The following GDF1 variants were observed in gnomAD, a reference collection of about 807,000 sequenced individuals.
GDF1 encodes the protein embryonic growth/differentiation factor 1.
In GDF1, 8 loss-of-function variants were observed where a neutral mutation model predicts 7.4. That is an observed-to-expected ratio of 1.09 (90% confidence interval 0.64 to 1.96). The LOEUF (loss-of-function observed/expected upper bound fraction) is 1.96, where lower values mean the gene tolerates loss of function less well. GDF1 is among the 30% of genes most tolerant of loss of function. The pLI, the probability that GDF1 is intolerant of heterozygous loss-of-function variation, is 0.00. For missense variants in GDF1, 574 were observed against 551.5 expected, an observed-to-expected ratio of 1.04 and a Z score of -0.41; for synonymous variants, 311 against 276.7, an observed-to-expected ratio of 1.12 and a Z score of -1.23.
chr19:18,875,808 G>A (rs763022137), intron 6 of GDF1, among the ~76,000 whole-genome samples: 1 of 152,126 alleles, frequency 6.6e-6, no homozygotes, highest in Non-Finnish European at 1.5e-5. Context: ...AGAAAGCCCT[G>A]GGAAGACGGA....
intron 2 of GDF1, among the ~76,000 whole-genome samples, chr19:18,893,063 C>CCCA (rs2056533469): frequency 6.6e-6 from 1 of 151,132 alleles, no homozygotes; most frequent in Non-Finnish European, 1.5e-5. Flanking sequence ...ATTACAGGCG[C>CCCA]CCACCACACC....
intron 2 of GDF1, among the ~76,000 whole-genome samples, chr19:18,890,030 C>A (rs2056453578): frequency 6.6e-6 from 1 of 152,218 alleles, no homozygotes; most frequent in Non-Finnish European, 1.5e-5. Flanking sequence ...CCTCCTGGAC[C>A]CCTGGGGTAG....
Position 18,887,429 on chromosome 19 carries a change from G to T in GDF1, c.-913-3162C>A, listed in dbSNP as rs114327388. 3.3e-5 allele frequency among the ~76,000 whole-genome samples: 5 copies of T among 152,146 alleles called. No individual in the cohort carries two copies. The South Asian group carries it at 6.2e-4, about 19-fold the overall frequency. On this transcript the variant is annotated intron_variant, in intron 2 of 7. Coordinates refer to ENST00000247005, the MANE Select transcript of GDF1 (RefSeq NM_001492.6). ...GATAATGTTCCAGACCTAGACAGAGGGGGTGGTTGAACAACACTGTGAATG... is the reference window on the plus strand; with the variant it reads ...GATAATGTTCCAGACCTAGACAGAGTGGGTGGTTGAACAACACTGTGAATG...
intron 2 of GDF1, among the ~76,000 whole-genome samples, chr19:18,887,510 G>A (rs2056390064): frequency 6.6e-6 from 1 of 152,098 alleles, no homozygotes; most frequent in African/African-American, 2.4e-5. Flanking sequence ...GCCAGGAGGT[G>A]GAGGCAGGTG....
Position 18,896,004 on chromosome 19 carries a change from C to T in GDF1, c.-1254G>A. On this transcript the variant is annotated 5_prime_UTR_variant, in exon 1 of 8. Transcript: ENST00000247005. The surrounding 1 kb of genome is among the most constrained non-coding windows in gnomAD (Gnocchi z 5.9). ...CCAGCGCGCTGCCCCAGCCGCGCTGCACTAGCTGCGCGTAGCTCGGCATGG... is the reference window on the plus strand; with the variant it reads ...CCAGCGCGCTGCCCCAGCCGCGCTGTACTAGCTGCGCGTAGCTCGGCATGG... 2.0e-6 allele frequency: 2 copies of T among 1,019,166 alleles called. No homozygotes were observed. Among genetic ancestry groups the T allele is most frequent in the South Asian group, 7.7e-5 (2 of 26,030 alleles). 63.1% of individuals were successfully genotyped at this position (1,019,166 alleles called of 1,614,324 possible).
At chr19:18,871,737 G>A (rs746848198) in intron 6 of GDF1, among the ~76,000 whole-genome samples, 22 of 152,282 alleles carry the variant, frequency 1.4e-4, no homozygotes, top group Non-Finnish European at 3.2e-4. Flanking sequence ...CCCCATCCAA[G>A]GACTGTTGGT....
At chr19:18,880,194 C>T in intron 4 of GDF1, 80 bp downstream of exon 4, 1 of 1,414,318 alleles carries the variant, frequency 7.1e-7, no homozygotes, top group Non-Finnish European at 9.4e-7. Flanking sequence ...TCCTTCCCTG[C>T]CTGGTCCCGC....
At position 18,896,030 on chromosome 19, in the gene GDF1, GCTCGGGCCCCGTCGGCCCCGC is replaced by G; in HGVS notation, c.-1301_-1281del. 1.0e-6 allele frequency: 1 copy of G among 995,472 alleles called. No homozygotes were observed. Among genetic ancestry groups the G allele is most frequent in the Non-Finnish European group, 1.2e-6 (1 of 838,168 alleles). The allele number at this position is 995,472 out of a possible 1,614,324, so 61.7% of individuals were successfully genotyped here. On this transcript the variant is annotated 5_prime_UTR_variant, in exon 1 of 8. Coordinates refer to ENST00000247005, the MANE Select transcript of GDF1 (RefSeq NM_001492.6). This position sits in a 1 kb window ranked among gnomAD's most constrained non-coding sequence, Gnocchi z 5.9. The stretch of plus-strand genomic sequence containing the variant: ...ACTAGCTGCGCGTAGCTCGGCATGG[GCTCGGGCCCCGTCGGCCCCGC>G]CGCGGGCCCCGCCGCCGCCATACCG...
In GDF1 at chr19:18,878,692, G is replaced by T; in HGVS notation, c.-313+238C>A. ...TCAGTGTCCCTACCGCTGAGACCCT[G>T]CCTGTCGCCCTGCCTGCCCCTCCCC... is the stretch of plus-strand genomic sequence containing the variant. On this transcript the variant is annotated intron_variant, in intron 6 of 7. Coordinates refer to ENST00000247005, the MANE Select transcript of GDF1 (RefSeq NM_001492.6). This position sits in a 1 kb window ranked among gnomAD's most constrained non-coding sequence, Gnocchi z 4.6. The T allele has an allele frequency of 1.5e-6, 2 of 1,354,350 alleles. No individual in the cohort carries two copies. The highest frequency in any genetic ancestry group is 1.9e-6 in the Non-Finnish European group (2 of 1,048,690). The allele number at this position is 1,354,350 out of a possible 1,614,324, so 83.9% of individuals were successfully genotyped here.
At chr19:18,881,208 C>T (rs996223514) in intron 3 of GDF1, among the ~76,000 whole-genome samples, 1 of 146,918 alleles carries the variant, frequency 6.8e-6, no homozygotes, top group African/African-American at 2.5e-5. Context: ...CATCAGGATC[C>T]TTTTTTTTTT....
intron 2 of GDF1, among the ~76,000 whole-genome samples, chr19:18,888,024 T>G (rs2056402203): frequency 6.6e-6 from 1 of 152,160 alleles, no homozygotes; most frequent in South Asian, 2.1e-4. Context: ...TTTTTGTGAT[T>G]GGCTAAAATG....
chr19:18,879,237 T>A lies in GDF1; in HGVS notation c.-423+4A>T. 1 of 1,613,440 alleles carries A rather than the reference T, an allele frequency of 6.2e-7. No individual in the cohort carries two copies. The highest frequency in any genetic ancestry group is 8.5e-7 in the Non-Finnish European group (1 of 1,179,754). On this transcript the variant is annotated splice_donor_region_variant and intron_variant, in intron 5 of 7. Transcript: ENST00000247005. Reference sequence around the variant, plus strand: ...ACTGTGGAGGAGAGCCGGGGCCGACTCACCAGGAACCAGTAGAGGTTCATA... The same window carrying A: ...ACTGTGGAGGAGAGCCGGGGCCGACACACCAGGAACCAGTAGAGGTTCATA...
intron 3 of GDF1, among the ~76,000 whole-genome samples, chr19:18,882,712 A>C (rs889323663): frequency 5.3e-5 from 8 of 150,898 alleles, no homozygotes; most frequent in African/African-American, 1.9e-4. Context: ...TTTATTTTTG[A>C]GACGGAGTCT....
Position 18,884,184 on chromosome 19 carries a change from C to A in GDF1, c.-830G>T. 1 of 1,613,684 alleles carries A rather than the reference C, an allele frequency of 6.2e-7. No individual in the cohort carries two copies. The highest frequency in any genetic ancestry group is 1.1e-5 in the South Asian group (1 of 91,050). ...CGCCAGGTGTCCATGTATAGCGTAGCGTAGATGGAGTGGCCATAGAAGCTT... is the reference window on the plus strand; with the variant it reads ...CGCCAGGTGTCCATGTATAGCGTAGAGTAGATGGAGTGGCCATAGAAGCTT... On this transcript the variant is annotated 5_prime_UTR_variant, in exon 3 of 8. Coordinates refer to ENST00000247005, the MANE Select transcript of GDF1 (RefSeq NM_001492.6).
chr19:18,872,545 C>A lies in GDF1; in HGVS notation c.-312-1926G>T, dbSNP rs369650922. On this transcript the variant is annotated intron_variant, in intron 6 of 7. Transcript: ENST00000247005. Reference sequence around the variant, plus strand: ...TTTTTTTTTTTTTGAGACGAAGTCTCGCTCTTGTCCCCCAGGCGGGAATGC... The same window carrying A: ...TTTTTTTTTTTTTGAGACGAAGTCTAGCTCTTGTCCCCCAGGCGGGAATGC... Among the ~76,000 whole-genome samples, 83 of 149,274 alleles carry A rather than the reference C, an allele frequency of 5.6e-4. No individual in the cohort carries two copies. In the South Asian group the frequency reaches 0.016, roughly 29 times the overall value.
chr19:18,892,713 G>A (rs911080285), intron 2 of GDF1, among the ~76,000 whole-genome samples: 4 of 152,200 alleles, frequency 2.6e-5, no homozygotes, highest in East Asian at 1.9e-4. Flanking sequence ...GAGTGCCTCC[G>A]GGCCTTTGCA....
rs1280585544 is a variant in GDF1 at position 18,878,867 on chromosome 19, G to A, written c.-313+63C>T. On this transcript the variant is annotated intron_variant, in intron 6 of 7. Transcript: ENST00000247005. This position sits in a 1 kb window ranked among gnomAD's most constrained non-coding sequence, Gnocchi z 4.6. ...TGCTGGGTCTTGGGGGCCTGCCCAC[G>A]AACACGCTTGGACGGGTGACACTAA... 11 of 1,578,294 alleles carry A rather than the reference G, an allele frequency of 7.0e-6. No individual in the cohort carries two copies. Among genetic ancestry groups the A allele is most frequent in the African/African-American group, 4.0e-5 (3 of 74,154 alleles).
At chr19:18,876,331 A>G (rs1292730633) in intron 6 of GDF1, among the ~76,000 whole-genome samples, 1 of 151,454 alleles carries the variant, frequency 6.6e-6, no homozygotes, top group East Asian at 1.9e-4. Flanking sequence ...TTTAAAATAA[A>G]CTTTTTTGTT....
chr19:18,870,329 G>A lies in GDF1; in HGVS notation c.-22C>T. ...GCATCTTCCTCCCAGGCGATGACCA[G>A]AGAGTGCGCAGGGTCCGCGGCGGCC... is the stretch of plus-strand genomic sequence containing the variant. On this transcript the variant is annotated 5_prime_UTR_variant, in exon 7 of 8. Coordinates refer to ENST00000247005, the MANE Select transcript of GDF1 (RefSeq NM_001492.6). The surrounding 1 kb of genome is among the most constrained non-coding windows in gnomAD (Gnocchi z 5.1). 2 of 1,544,710 alleles carry A rather than the reference G, an allele frequency of 1.3e-6. No individual in the cohort carries two copies. The highest frequency in any genetic ancestry group is 1.7e-6 in the Non-Finnish European group (2 of 1,146,220).
Sources: gnomAD v4.1 joint callset for allele counts (sites outside exome capture counted in the v4.1 genomes callset) on GRCh38, gnomAD v4.1.1 for gene constraint, Gnocchi (gnomAD v3.1) non-coding constraint, MANE v1.5 for transcripts, NCBI Gene and HGNC (gene_info 2026-07-23, HGNC 2026-07-21) for gene names.